Variants in SLC8A1 observed in about 807,000 individuals in gnomAD.
SLC8A1 encodes solute carrier family 8 member A1, also known as sodium/calcium exchanger 1.
Under a neutral mutation model 68.3 loss-of-function variants are expected in SLC8A1, and 18 were observed. The observed-to-expected ratio is 0.26, with a 90% CI of 0.18 to 0.39. The LOEUF is 0.39. Among genes scored for constraint, SLC8A1 ranks in the 10% least tolerant of loss-of-function variants. The pLI, the probability that SLC8A1 is intolerant of heterozygous loss-of-function variation, is 1.00. For synonymous variants in SLC8A1, 475 were observed against 415.5 expected (o/e 1.14, Z -1.74); for missense variants, 985 against 1,156.7 (o/e 0.85, Z 2.15).
upstream of SLC8A1, among the ~76,000 whole-genome samples, chr2:40,454,306 A>G (rs1702860385): frequency 6.6e-6 from 1 of 152,178 alleles, no homozygotes; most frequent in Non-Finnish European, 1.5e-5. Context: ...TGAGTGGGCC[A>G]TATTTCACTG....
At chr2:40,103,580 A>C (rs2034025199) in exon 8 of SLC8A1, 1 of 152,186 alleles carries the variant, frequency 6.6e-6, no homozygotes, top group South Asian at 2.1e-4. Flanking sequence ...TTCCTAAAAG[A>C]TTAAGCACAC....
chr2:40,270,477 C>T (rs2065891081), intron 2 of SLC8A1, among the ~76,000 whole-genome samples: 2 of 152,234 alleles, frequency 1.3e-5, no homozygotes, highest in Admixed American at 1.3e-4. Context: ...GCCTTTTCCA[C>T]CTTCTACAGA....
chr2:40,160,504 A>C (rs1022922664), intron 6 of SLC8A1, among the ~76,000 whole-genome samples: 1 of 152,204 alleles, frequency 6.6e-6, no homozygotes, highest in Non-Finnish European at 1.5e-5. Context: ...TTAGAGACAC[A>C]AAACGCTTTA....
rs141172636 is a variant in SLC8A1, at chr2:40,312,478, A to T, written c.1808+115995T>A. On this transcript the variant is annotated intron_variant, in intron 2 of 7. Transcript: ENST00000406785. ...ATTCTGCTTTTCTATTCAGTATTTG[A>T]CTCTGAAGGGCATTTTCTCCACAAA... is the stretch of plus-strand genomic sequence containing the variant. Among the ~76,000 whole-genome samples the T allele has an allele frequency of 4.8e-3, 727 of 152,038 alleles. 5 individuals are homozygous for T. The highest frequency in any genetic ancestry group is 8.0e-3 in the Non-Finnish European group (542 of 67,976).
At chr2:40,105,511 C>G (rs1412653250) in exon 8 of SLC8A1, 1 of 152,198 alleles carries the variant, frequency 6.6e-6, no homozygotes, top group Non-Finnish European at 1.5e-5. Flanking sequence ...TTACTAATGA[C>G]ATGACTTCTA....
chr2:40,189,168 A>G (rs977269823), intron 2 of SLC8A1, among the ~76,000 whole-genome samples: 2 of 152,206 alleles, frequency 1.3e-5, no homozygotes, highest in Non-Finnish European at 2.9e-5. Flanking sequence ...GATTCTAAAC[A>G]GAGTTCTGTC....
chr2:40,501,522 T>C (rs1237422879), intron 1 of SLC8A1, among the ~76,000 whole-genome samples: 1 of 152,144 alleles, frequency 6.6e-6, no homozygotes, highest in Non-Finnish European at 1.5e-5. Flanking sequence ...GTATGCTTCT[T>C]TTGATGAATA....
intron 7 of SLC8A1, among the ~76,000 whole-genome samples, chr2:40,131,295 A>G (rs2039281388): frequency 6.6e-6 from 1 of 152,190 alleles, no homozygotes; most frequent in African/African-American, 2.4e-5. Flanking sequence ...GCACGTAGTC[A>G]TTGTGCTAAG....
intron 2 of SLC8A1, among the ~76,000 whole-genome samples, chr2:40,220,570 C>T (rs895611646): frequency 1.3e-5 from 2 of 152,106 alleles, no homozygotes; most frequent in Non-Finnish European, 1.5e-5. Context: ...ACAAAGCAGT[C>T]GTTCCATTAA....
At chr2:40,421,555 T>C (rs1305616494) in intron 2 of SLC8A1, among the ~76,000 whole-genome samples, 1 of 152,160 alleles carries the variant, frequency 6.6e-6, no homozygotes, top group East Asian at 1.9e-4. Context: ...TATTAATATG[T>C]GAATTGCTAA....
intron 2 of SLC8A1, among the ~76,000 whole-genome samples, chr2:40,337,608 T>C (rs971039587): frequency 2.0e-5 from 3 of 152,194 alleles, no homozygotes; most frequent in Non-Finnish European, 4.4e-5. Flanking sequence ...TTTTCTGTTT[T>C]GCTTTTCTCT....
chr2:40,313,148 G>C (rs1180154556), intron 2 of SLC8A1, among the ~76,000 whole-genome samples: 2 of 151,996 alleles, frequency 1.3e-5, no homozygotes, highest in Admixed American at 1.3e-4. Context: ...GGATTAGTAT[G>C]AATCTCCAAT....
At chr2:40,171,253 T>G (rs2047437270) in intron 4 of SLC8A1, among the ~76,000 whole-genome samples, 1 of 152,216 alleles carries the variant, frequency 6.6e-6, no homozygotes, top group Admixed American at 6.5e-5. Flanking sequence ...GAAAACATTT[T>G]CAACTGTCAG....
At chr2:40,125,218 C>G (rs2148146037) in intron 7 of SLC8A1, among the ~76,000 whole-genome samples, 1 of 152,258 alleles carries the variant, frequency 6.6e-6, no homozygotes, top group East Asian at 1.9e-4. Flanking sequence ...TTATGTTAGA[C>G]AAATCCTTGG....
chr2:40,278,953 G>T (rs916913353), intron 2 of SLC8A1, among the ~76,000 whole-genome samples: 3 of 151,702 alleles, frequency 2.0e-5, no homozygotes, highest in African/African-American at 7.3e-5. Flanking sequence ...GCTTACTTTG[G>T]GTCTTAATGG....
chr2:40,228,313 G>A (rs1008574789), intron 2 of SLC8A1, among the ~76,000 whole-genome samples: 2 of 152,138 alleles, frequency 1.3e-5, no homozygotes, highest in African/African-American at 4.8e-5. Flanking sequence ...AATCAAATAT[G>A]CTTATGTAAG....
intron 1 of SLC8A1, among the ~76,000 whole-genome samples, chr2:40,431,790 C>A (rs1337717688): frequency 6.6e-6 from 1 of 152,130 alleles, no homozygotes; most frequent in African/African-American, 2.4e-5. Context: ...CCTACACTCT[C>A]TGGCTCATGT....
intron 1 of SLC8A1, among the ~76,000 whole-genome samples, chr2:40,462,001 C>CTTTTTTTTTTTTTTTTGT (rs1703369891): frequency 1.5e-5 from 1 of 66,176 alleles, no homozygotes; most frequent in African/African-American, 6.1e-5. Flanking sequence ...TAAAATCCTC[C>CTTTTTTTTTTTTTTTTGT]TTTTTTTTTT....
At chr2:40,419,418 G>A (rs1694832400) in intron 2 of SLC8A1, among the ~76,000 whole-genome samples, 1 of 152,058 alleles carries the variant, frequency 6.6e-6, no homozygotes, top group Admixed American at 6.6e-5. Flanking sequence ...TTTAGTCACA[G>A]CAGAAATCTA....
Sources: allele counts gnomAD v4.1 joint callset (sites outside exome capture counted in the v4.1 genomes callset), GRCh38; gene constraint gnomAD v4.1.1; transcripts MANE v1.5; gene names NCBI Gene and HGNC (gene_info 2026-07-23, HGNC 2026-07-21).